Variants in MED27 observed in about 807,000 individuals in gnomAD.
MED27 encodes the protein mediator complex subunit 27, also known as mediator of RNA polymerase II transcription subunit 27.
A neutral mutation model predicts 38.2 loss-of-function variants in MED27; 30 were observed. The ratio of observed to expected loss-of-function variants is 0.79; its 90% confidence interval spans 0.59 to 1.07. MED27 has a LOEUF of 1.07. Among genes scored for constraint, MED27 ranks in the 50% least tolerant of loss-of-function variants. The probability of loss-of-function intolerance (pLI) is 0.00; values close to 1 mark genes in which losing one functional copy is unlikely to be tolerated. For missense variants in MED27, 289 were observed against 397.5 expected, an observed-to-expected ratio of 0.73 and a Z score of 2.32; for synonymous variants, 122 against 153.5, an observed-to-expected ratio of 0.79 and a Z score of 1.52.
chr9:132,026,492 C>G (rs989282658), intron 2 of MED27, among the ~76,000 whole-genome samples: 1 of 152,178 alleles, frequency 6.6e-6, no homozygotes. Context: ...TTACTCTTTT[C>G]CCAAAGTGTA....
At chr9:132,029,457 A>T (rs189183059) in intron 2 of MED27, among the ~76,000 whole-genome samples, 4 of 152,332 alleles carry the variant, frequency 2.6e-5, no homozygotes, top group Admixed American at 2.6e-4. Context: ...GAAATGTTAA[A>T]GAGGCCCATA....
Position 132,051,571 on chromosome 9 carries a change from T to C in MED27, c.348+25871A>G, listed in dbSNP as rs4617289. ...AAAAAAGGGTTAGGTCAAGCACTCA[T>C]CTACATGGCCCAAGGTTCCTTCCAG... On this transcript the variant is annotated intron_variant, in intron 2 of 7. Coordinates refer to ENST00000292035, the MANE Select transcript of MED27 (RefSeq NM_004269.4). The surrounding 1 kb of genome is among the most constrained non-coding windows in gnomAD (Gnocchi z 4.2). Among the ~76,000 whole-genome samples the C allele has an allele frequency of 1.3e-5, 2 of 152,050 alleles. No homozygotes were observed. The highest frequency in any genetic ancestry group is 2.9e-5 in the Non-Finnish European group (2 of 68,002).
intron 4 of MED27, among the ~76,000 whole-genome samples, chr9:131,908,032 G>A (rs1464619280): frequency 1.7e-4 from 25 of 151,430 alleles, no homozygotes; most frequent in South Asian, 2.1e-4. Context: ...CAGCCGCCCC[G>A]TCTGAGAAGT....
Position 131,909,440 on chromosome 9 carries a change from G to T in MED27, c.574-15448C>A, listed in dbSNP as rs147583178. 3.5e-3 allele frequency among the ~76,000 whole-genome samples: 529 copies of T among 152,300 alleles called. 14 individuals are homozygous for T. Among genetic ancestry groups the T allele is most frequent in the Admixed American group, 0.03 (466 of 15,298 alleles). Reference sequence around the variant, plus strand: ...TTAGTGTGGACTCTGAGGGGCTCAAGGGGGCTCTTCCCCAAAAGTGGTGGG... The same window carrying T: ...TTAGTGTGGACTCTGAGGGGCTCAATGGGGCTCTTCCCCAAAAGTGGTGGG... On this transcript the variant is annotated intron_variant, in intron 4 of 7. Transcript: ENST00000292035.
Position 132,003,082 on chromosome 9 carries a change from AAG to A in MED27, c.479+11253_479+11254del, listed in dbSNP as rs1280030386. ...CAATCCTGAAGCTCTTTGTTATGCAAAGAGAGATTTAAAAAAAAAAATGGATC... is the reference window on the plus strand; with the variant it reads ...CAATCCTGAAGCTCTTTGTTATGCAAAGAGATTTAAAAAAAAAAATGGATC... On this transcript the variant is annotated intron_variant, in intron 3 of 7. Transcript: ENST00000292035. The surrounding 1 kb of genome is among the most constrained non-coding windows in gnomAD (Gnocchi z 4.2). Among the ~76,000 whole-genome samples, 2 of 151,982 alleles carry A rather than the reference AAG, an allele frequency of 1.3e-5. No homozygotes were observed. The highest frequency in any genetic ancestry group is 3.8e-4 in the East Asian group (2 of 5,196).
At chr9:131,968,719 A>C (rs1831410978) in intron 3 of MED27, among the ~76,000 whole-genome samples, 1 of 152,156 alleles carries the variant, frequency 6.6e-6, no homozygotes, top group Non-Finnish European at 1.5e-5. Context: ...CTAGAGCAGG[A>C]GTCTCCAACC....
At position 132,051,161 on chromosome 9, in the gene MED27, C is replaced by T. The variant is rs1034649363; in HGVS notation, c.348+26281G>A. On this transcript the variant is annotated intron_variant, in intron 2 of 7. Transcript: ENST00000292035. The surrounding 1 kb of genome is among the most constrained non-coding windows in gnomAD (Gnocchi z 4.2). Reference sequence around the variant, plus strand: ...AGATGTGTCCCAAATAACATGTTCCCGATAACAGTTAAAGTACATGAGATT... The same window carrying T: ...AGATGTGTCCCAAATAACATGTTCCTGATAACAGTTAAAGTACATGAGATT... 5.9e-5 allele frequency among the ~76,000 whole-genome samples: 9 copies of T among 152,068 alleles called. No individual in the cohort carries two copies. The highest frequency in any genetic ancestry group is 1.7e-4 in the African/African-American group (7 of 41,392).
intron 3 of MED27, among the ~76,000 whole-genome samples, chr9:131,972,487 A>G (rs994698170): frequency 4.6e-5 from 7 of 152,214 alleles, no homozygotes; most frequent in African/African-American, 1.7e-4. Context: ...AAGCCACACT[A>G]AAGTCTCAGG....
intron 2 of MED27, among the ~76,000 whole-genome samples, chr9:132,037,280 C>T (rs539622051): frequency 2.0e-5 from 3 of 152,132 alleles, no homozygotes; most frequent in Non-Finnish European, 4.4e-5. Flanking sequence ...ACTATATTTA[C>T]GGTTACTATA....
At chr9:132,063,223 T>C (rs1833736892) in intron 2 of MED27, among the ~76,000 whole-genome samples, 1 of 152,206 alleles carries the variant, frequency 6.6e-6, no homozygotes, top group East Asian at 1.9e-4. Flanking sequence ...AGGCCTATAA[T>C]AGGCCTTTTC....
intron 2 of MED27, chr9:132,073,607 G>C: frequency 2.8e-6 from 4 of 1,431,734 alleles, no homozygotes; most frequent in Non-Finnish European, 3.6e-6. Flanking sequence ...TTCAGAGATA[G>C]ATGTGAGAGG....
chr9:131,930,453 T>C (rs1052985933), intron 4 of MED27, among the ~76,000 whole-genome samples: 5 of 151,870 alleles, frequency 3.3e-5, no homozygotes, highest in African/African-American at 1.2e-4. Flanking sequence ...CAGGAGAGAG[T>C]GGCATGGCAT....
intron 6 of MED27, among the ~76,000 whole-genome samples, chr9:131,870,568 G>A (rs939690267): frequency 2.0e-4 from 30 of 152,134 alleles, no homozygotes; most frequent in Admixed American, 1.4e-3. Flanking sequence ...AGTTTGTTCC[G>A]ACCTTCTGAA....
At position 131,893,004 on chromosome 9, in the gene MED27, C is replaced by T. The variant is rs763721509; in HGVS notation, c.681+881G>A. Among the ~76,000 whole-genome samples, 7 of 152,342 alleles carry T rather than the reference C, an allele frequency of 4.6e-5. No individual in the cohort carries two copies. In the East Asian group the frequency reaches 7.7e-4, roughly 17 times the overall value. On this transcript the variant is annotated intron_variant, in intron 5 of 7. Coordinates refer to ENST00000292035, the MANE Select transcript of MED27 (RefSeq NM_004269.4). ...TCAAAACACACATCTCATTATATCA[C>T]GGGCTGTGCTTCTTATGTAACGCCC... is the stretch of plus-strand genomic sequence containing the variant.
chr9:132,008,021 A>G (rs929977384), intron 3 of MED27, among the ~76,000 whole-genome samples: 9 of 152,216 alleles, frequency 5.9e-5, no homozygotes, highest in African/African-American at 2.2e-4. Flanking sequence ...CCTCAAACCT[A>G]AATAAGATCT....
rs142827993 is a variant in MED27, at chr9:132,057,542, G to A, written c.348+19900C>T. On this transcript the variant is annotated intron_variant, in intron 2 of 7. Transcript: ENST00000292035. The stretch of plus-strand genomic sequence containing the variant: ...GTTTAAATATTCTCTTGCATCTGCA[G>A]CTAGTTTCCAGCCTGAAATAATCAG... Among the ~76,000 whole-genome samples, 223 of 152,350 alleles carry A rather than the reference G, an allele frequency of 1.5e-3. 1 individual carries two copies. Among genetic ancestry groups the A allele is most frequent in the African/African-American group, 5.2e-3 (217 of 41,594 alleles).
intron 3 of MED27, among the ~76,000 whole-genome samples, chr9:131,944,053 C>T (rs1045682169): frequency 3.9e-5 from 6 of 152,174 alleles, no homozygotes; most frequent in African/African-American, 7.2e-5. Flanking sequence ...ACCATCTCTT[C>T]CAGAAGGACA....
At chr9:131,955,927 AAAAG>A (rs139778622) in intron 3 of MED27, among the ~76,000 whole-genome samples, 2,974 of 152,320 alleles carry the variant, frequency 0.02, 101 homozygotes, top group African/African-American at 0.067. Flanking sequence ...CTACAAAAGA[AAAAG>A]AAAGTTATAG....
chr9:131,981,928 A>G (rs1329369753), intron 3 of MED27, among the ~76,000 whole-genome samples: 1 of 152,200 alleles, frequency 6.6e-6, no homozygotes, highest in Non-Finnish European at 1.5e-5. Flanking sequence ...TCAGGAGGAA[A>G]GCACCTAGGG....
Sources: allele counts gnomAD v4.1 joint callset (sites outside exome capture counted in the v4.1 genomes callset), GRCh38; gene constraint gnomAD v4.1.1; non-coding constraint Gnocchi (gnomAD v3.1); transcripts MANE v1.5; gene names NCBI Gene and HGNC (gene_info 2026-07-23, HGNC 2026-07-21).